Variants in ITGB1 observed in about 807,000 individuals in gnomAD.
ITGB1 encodes the protein integrin beta-1.
ITGB1 carries 24 observed loss-of-function variants against 86.5 expected under a neutral mutation model. The ratio of observed to expected loss-of-function variants is 0.28; its 90% CI spans 0.20 to 0.39. ITGB1 has a LOEUF of 0.39. ITGB1 is among the 10% of genes least tolerant of loss of function. ITGB1 has a pLI of 1.00. For missense variants in ITGB1, 556 were observed against 946.9 expected, an observed-to-expected ratio of 0.59 and a Z score of 5.42; for synonymous variants, 323 against 316.8, an observed-to-expected ratio of 1.02 and a Z score of -0.21.
At position 32,910,510 on chromosome 10, in the gene ITGB1, T is replaced by C. The variant is rs1308056523; in HGVS notation, c.1932-55A>G. On this transcript the variant is annotated intron_variant, in intron 13 of 15. Coordinates refer to ENST00000302278, the MANE Select transcript of ITGB1 (RefSeq NM_002211.4). ...TACATTTTATTATTTCAGTAAATAT[T>C]TGCTTAAACATATTTCCCATGCTAA... The C allele has an allele frequency of 3.2e-6, 4 of 1,235,256 alleles. No homozygotes were observed. The Middle Eastern group carries it at 6.4e-4, about 198-fold the overall frequency. 76.5% of individuals were successfully genotyped at this position (1,235,256 alleles called of 1,614,324 possible).
chr10:32,932,605 C>G lies in ITGB1; in HGVS notation c.68-5G>C. 6.5e-7 allele frequency: 1 copy of G among 1,535,166 alleles called. No individual in the cohort carries two copies. ...CTTTTAAACATCTATTTTCATCTGTCAGAAAGAAGAAAGAACAGAACATTT... is the reference window on the plus strand; with the variant it reads ...CTTTTAAACATCTATTTTCATCTGTGAGAAAGAAGAAAGAACAGAACATTT... On this transcript the variant is annotated splice_polypyrimidine_tract_variant and splice_region_variant and intron_variant, in intron 2 of 15. Transcript: ENST00000302278.
intron 1 of ITGB1, among the ~76,000 whole-genome samples, chr10:32,947,432 C>CGTGT (rs1186872641): frequency 0.12 from 16,928 of 137,084 alleles, 1,345 homozygotes; most frequent in African/African-American, 0.2. Flanking sequence ...CACATATAGC[C>CGTGT]GTGTGTGTGT....
At chr10:32,938,725 G>A (rs775055703) in intron 1 of ITGB1, among the ~76,000 whole-genome samples, 16 of 152,204 alleles carry the variant, frequency 1.1e-4, no homozygotes, top group African/African-American at 3.6e-4. Flanking sequence ...GGCGACTGGC[G>A]GGGCACTGGC....
intron 6 of ITGB1, among the ~76,000 whole-genome samples, chr10:32,924,584 A>G (rs2094959204): frequency 6.6e-6 from 1 of 152,188 alleles, no homozygotes; most frequent in African/African-American, 2.4e-5. Context: ...ACAGAAAAAC[A>G]GCCACAATCA....
chr10:32,919,835 ACT>A (rs1265656125), intron 11 of ITGB1, 48 bp downstream of exon 11: 1 of 1,517,006 alleles, frequency 6.6e-7, no homozygotes, highest in Non-Finnish European at 9.2e-7. Context: ...ACCTGCCTAT[ACT>A]CTCTAAACCA....
At chr10:32,912,799 C>T (rs2094917689) in intron 11 of ITGB1, among the ~76,000 whole-genome samples, 1 of 152,216 alleles carries the variant, frequency 6.6e-6, no homozygotes, top group Non-Finnish European at 1.5e-5. Flanking sequence ...TGTCTGACAG[C>T]TTTGAAGAGA....
rs184047196 is a variant in ITGB1 at position 32,922,753 on chromosome 10, A to G, written c.943-18T>C. ...GGATAATCCTAAGAAATCAAGTAATATAATTTAGTATTTAAATACACCCTT... is the reference window on the plus strand; with the variant it reads ...GGATAATCCTAAGAAATCAAGTAATGTAATTTAGTATTTAAATACACCCTT... On this transcript the variant is annotated intron_variant, in intron 7 of 15. Transcript: ENST00000302278. 80 of 1,376,168 alleles carry G rather than the reference A, an allele frequency of 5.8e-5. No individual in the cohort carries two copies. In the Admixed American group the frequency reaches 6.4e-4, roughly 11 times the overall value. 85.2% of individuals were successfully genotyped at this position (1,376,168 alleles called of 1,614,324 possible).
At chr10:32,933,519 TAC>T (rs1042488701) in intron 2 of ITGB1, 2 of 152,220 alleles carry the variant, frequency 1.3e-5, no homozygotes, top group Admixed American at 6.5e-5. Flanking sequence ...TAAGCGCTAA[TAC>T]AGACTGTCTC....
chr10:32,939,188 T>G (rs966383129), intron 1 of ITGB1, among the ~76,000 whole-genome samples: 1 of 152,178 alleles, frequency 6.6e-6, no homozygotes, highest in Non-Finnish European at 1.5e-5. Context: ...GAAAAGGACC[T>G]GAAGGGGTTT....
chr10:32,907,518 G>C (rs139720084), intron 15 of ITGB1, among the ~76,000 whole-genome samples: 46 of 152,170 alleles, frequency 3.0e-4, no homozygotes, highest in African/African-American at 9.6e-4. Flanking sequence ...TTTTCATAGA[G>C]GAACATACAT....
intron 11 of ITGB1, 47 bp downstream of exon 11, chr10:32,919,835 ACTC>A (rs1428404525): frequency 2.0e-6 from 3 of 1,516,888 alleles, no homozygotes; most frequent in Non-Finnish European, 2.7e-6. Context: ...ACCTGCCTAT[ACTC>A]TCTAAACCAA....
chr10:32,923,413 C>G (rs1213207721), intron 7 of ITGB1, among the ~76,000 whole-genome samples, 172 bp downstream of exon 7: 1 of 152,178 alleles, frequency 6.6e-6, no homozygotes, highest in African/African-American at 2.4e-5. Context: ...AAAGCTGCAT[C>G]TTCACAAACA....
intron 1 of ITGB1, among the ~76,000 whole-genome samples, chr10:32,952,503 A>G (rs772031970): frequency 6.6e-5 from 10 of 152,238 alleles, no homozygotes; most frequent in South Asian, 2.1e-4. Context: ...CACTGAAATC[A>G]TAATATGAAG....
intron 1 of ITGB1, among the ~76,000 whole-genome samples, chr10:32,946,455 T>A (rs2095031423): frequency 6.6e-6 from 1 of 152,132 alleles, no homozygotes; most frequent in Non-Finnish European, 1.5e-5. Flanking sequence ...GGGGAAAGAA[T>A]TCTACTGGTT....
intron 11 of ITGB1, among the ~76,000 whole-genome samples, chr10:32,918,489 G>T (rs905216638): frequency 6.6e-6 from 1 of 152,142 alleles, no homozygotes; most frequent in Non-Finnish European, 1.5e-5. Flanking sequence ...TCACAGTCGT[G>T]TAGTAAAGTG....
intron 1 of ITGB1, among the ~76,000 whole-genome samples, chr10:32,941,300 G>GA (rs1399139983): frequency 6.6e-6 from 1 of 151,924 alleles, no homozygotes; most frequent in African/African-American, 2.4e-5. Flanking sequence ...TCTCTTTATA[G>GA]AAAAAAAGAC....
At position 32,912,710 on chromosome 10, in the gene ITGB1, G is replaced by A. The variant is rs1402709895; in HGVS notation, c.1470-586C>T. On this transcript the variant is annotated intron_variant, in intron 11 of 15. Coordinates refer to ENST00000302278, the MANE Select transcript of ITGB1 (RefSeq NM_002211.4). Reference sequence around the variant, plus strand: ...CATTGCAGCTCAAGGAGGCCTGCCTGCCTCTGTAGACAACACCTCTGGGGG... The same window carrying A: ...CATTGCAGCTCAAGGAGGCCTGCCTACCTCTGTAGACAACACCTCTGGGGG... Among the ~76,000 whole-genome samples the A allele has an allele frequency of 2.6e-5, 4 of 152,346 alleles. No individual in the cohort carries two copies. In the East Asian group the frequency reaches 5.8e-4, roughly 22 times the overall value.
At chr10:32,943,341 T>C (rs987640268) in intron 1 of ITGB1, among the ~76,000 whole-genome samples, 5 of 152,208 alleles carry the variant, frequency 3.3e-5, no homozygotes, top group African/African-American at 4.8e-5. Context: ...TAAATGTTTA[T>C]TATTAACATG....
intron 2 of ITGB1, chr10:32,933,355 A>C (rs2137234680): frequency 6.6e-6 from 1 of 152,350 alleles, no homozygotes; most frequent in Middle Eastern, 3.4e-3. Flanking sequence ...ACTCACAAGA[A>C]TCTTCAAGGC....
Sources: gnomAD v4.1 joint callset for allele counts (sites outside exome capture counted in the v4.1 genomes callset) on GRCh38, gnomAD v4.1.1 for gene constraint, MANE v1.5 for transcripts, NCBI Gene and HGNC (gene_info 2026-07-23, HGNC 2026-07-21) for gene names.